The following SEPTIN10 variants were observed in gnomAD, a reference collection of about 807,000 sequenced individuals.
SEPTIN10 encodes septin 10, also known as septin-10.
Under a neutral mutation model 54.8 loss-of-function variants are expected in SEPTIN10, and 66 were observed. That is an observed-to-expected ratio of 1.21 (90% CI 0.99 to 1.48). The LOEUF (loss-of-function observed/expected upper bound fraction) is 1.48. SEPTIN10 is among the 40% of genes most tolerant of loss of function. SEPTIN10 has a pLI of 0.00. For missense variants in SEPTIN10, 620 were observed against 545.6 expected (o/e 1.14, Z -1.36); for synonymous variants, 161 against 181.0 (o/e 0.89, Z 0.89).
chr2:109,601,301 A>C (rs1696545631), intron 1 of SEPTIN10, among the ~76,000 whole-genome samples: 1 of 152,212 alleles, frequency 6.6e-6, no homozygotes, highest in African/African-American at 2.4e-5. Context: ...AAAAGACATC[A>C]CTTTGGAAGT....
intron 5 of SEPTIN10, among the ~76,000 whole-genome samples, chr2:109,572,717 A>G (rs898869234): frequency 1.3e-5 from 2 of 150,308 alleles, no homozygotes; most frequent in African/African-American, 4.9e-5. Context: ...CCTGGGTTCA[A>G]GCAATTCTCC....
At chr2:109,570,526 G>C (rs553030813) in intron 5 of SEPTIN10, among the ~76,000 whole-genome samples, 2 of 118,388 alleles carry the variant, frequency 1.7e-5, no homozygotes, top group East Asian at 2.3e-4. Context: ...CATTGTATCA[G>C]GTTTTTTTTT....
intron 8 of SEPTIN10, among the ~76,000 whole-genome samples, chr2:109,555,475 G>A (rs2104867495): frequency 6.6e-6 from 1 of 152,252 alleles, no homozygotes; most frequent in East Asian, 1.9e-4. Flanking sequence ...ACTCTCCCCT[G>A]TTGCAGGCCA....
intron 10 of SEPTIN10, 37 bp from the exon 11 acceptor site, chr2:109,544,361 A>T (rs757501339): frequency 1.8e-5 from 28 of 1,552,990 alleles, no homozygotes; most frequent in Middle Eastern, 3.6e-4. Flanking sequence ...GGTACAATTT[A>T]AAAAAAATTC....
At chr2:109,599,982 C>T (rs1005875620) in intron 1 of SEPTIN10, among the ~76,000 whole-genome samples, 2 of 152,192 alleles carry the variant, frequency 1.3e-5, no homozygotes, top group African/African-American at 4.8e-5. Flanking sequence ...ATTCTCCCTT[C>T]AAGCAATACC....
At chr2:109,570,702 T>C (rs1193794748) in intron 5 of SEPTIN10, among the ~76,000 whole-genome samples, 1 of 151,754 alleles carries the variant, frequency 6.6e-6, no homozygotes, top group East Asian at 1.9e-4. Context: ...TTTTGTATTT[T>C]TAGTAGAGAT....
At chr2:109,567,007 C>T (rs1253372041) in intron 6 of SEPTIN10, among the ~76,000 whole-genome samples, 1 of 151,844 alleles carries the variant, frequency 6.6e-6, no homozygotes, top group African/African-American at 2.4e-5. Flanking sequence ...ACCTCATTTA[C>T]ATTAGTCAGT....
chr2:109,542,915 T>C lies in SEPTIN10; in HGVS notation c.*1394A>G, dbSNP rs1218776997. ...CTCATAAAATACCTCATCTCCAAAA[T>C]AATTCAAATACATAATTAAATGAAC... is the stretch of plus-strand genomic sequence containing the variant. On this transcript the variant is annotated 3_prime_UTR_variant, in exon 11 of 11. Coordinates refer to ENST00000397712, the MANE Select transcript of SEPTIN10 (RefSeq NM_144710.5). 1.3e-5 allele frequency: 2 copies of C among 152,550 alleles called. No homozygotes were observed. The highest frequency in any genetic ancestry group is 4.8e-5 in the African/African-American group (2 of 41,450). The allele number at this position is 152,550 out of a possible 1,614,324, so 9.4% of individuals were successfully genotyped here.
chr2:109,599,586 C>T (rs1265931403), intron 1 of SEPTIN10, among the ~76,000 whole-genome samples: 1 of 152,084 alleles, frequency 6.6e-6, no homozygotes, highest in African/African-American at 2.4e-5. Context: ...TACAGCAAGG[C>T]TTAGGGTTGT....
intron 9 of SEPTIN10, among the ~76,000 whole-genome samples, chr2:109,551,990 G>C (rs1451624889): frequency 6.6e-6 from 1 of 152,186 alleles, no homozygotes; most frequent in African/African-American, 2.4e-5. Context: ...GTTAGGAACT[G>C]GGCTACACAG....
At chr2:109,589,462 G>A (rs186326248) in intron 2 of SEPTIN10, among the ~76,000 whole-genome samples, 27 of 152,150 alleles carry the variant, frequency 1.8e-4, no homozygotes, top group Admixed American at 7.2e-4. Flanking sequence ...AACCTGAGGC[G>A]GAAGTTGCAG....
intron 10 of SEPTIN10, 24 bp from the exon 11 acceptor site, chr2:109,544,348 A>T: frequency 6.3e-7 from 1 of 1,575,200 alleles, no homozygotes. Flanking sequence ...GAACCTTTTG[A>T]TTGGTACAAT....
At chr2:109,547,756 A>G (rs184749029) in intron 9 of SEPTIN10, among the ~76,000 whole-genome samples, 113 of 152,340 alleles carry the variant, frequency 7.4e-4, no homozygotes, top group African/African-American at 2.6e-3. Flanking sequence ...GGGATATACC[A>G]AAAGAAAACA....
At position 109,585,732 on chromosome 2, in the gene SEPTIN10, A is replaced by G; in HGVS notation, c.206T>C (p.Ile69Thr). ...RSIQQGFCFNILCVGETGIGK... is the reference protein window; with the variant it reads ...RSIQQGFCFNTLCVGETGIGK... ...TAGGTGGCACGTACCCACACAGAGA[A>G]TATTAAAGCAGAAACCTTGCTGAAT... The change falls in exon 3 of 11, where the codon ATT (isoleucine) becomes ACT (threonine). Residue 69 changes from isoleucine to threonine, a missense_variant. Ile to Thr is a moderately conservative substitution (Grantham distance 89). Coordinates refer to ENST00000397712, the MANE Select transcript of SEPTIN10 (RefSeq NM_144710.5). 6.2e-7 allele frequency: 1 copy of G among 1,611,852 alleles called. No homozygotes were observed. Among genetic ancestry groups the G allele is most frequent in the South Asian group, 1.1e-5 (1 of 91,014 alleles).
chr2:109,561,960 A>G (rs1685744060), intron 8 of SEPTIN10, among the ~76,000 whole-genome samples: 3 of 151,938 alleles, frequency 2.0e-5, no homozygotes, highest in Non-Finnish European at 4.4e-5. Flanking sequence ...GGGTTTCAAG[A>G]CCCCAGGAAT....
intron 4 of SEPTIN10, among the ~76,000 whole-genome samples, chr2:109,578,617 A>T (rs1416533872): frequency 6.6e-6 from 1 of 152,032 alleles, no homozygotes; most frequent in Non-Finnish European, 1.5e-5. Flanking sequence ...AAATACAAAA[A>T]TTAGCTCGGA....
At chr2:109,589,461 C>T (rs1017961794) in intron 2 of SEPTIN10, among the ~76,000 whole-genome samples, 7 of 151,940 alleles carry the variant, frequency 4.6e-5, no homozygotes, top group African/African-American at 7.3e-5. Flanking sequence ...GAACCTGAGG[C>T]GGAAGTTGCA....
intron 1 of SEPTIN10, chr2:109,613,274 A>G (rs1286115142): frequency 3.4e-5 from 30 of 894,924 alleles, no homozygotes; most frequent in Non-Finnish European, 6.0e-6. Flanking sequence ...TTTAGAGTAC[A>G]AAAGAGTCAA....
intron 8 of SEPTIN10, among the ~76,000 whole-genome samples, chr2:109,554,386 T>C (rs1018519915): frequency 1.3e-5 from 2 of 152,208 alleles, no homozygotes; most frequent in Non-Finnish European, 2.9e-5. Context: ...GTTACAATAA[T>C]ATGTATTCAT....
Sources: allele counts gnomAD v4.1 joint callset (sites outside exome capture counted in the v4.1 genomes callset), GRCh38; gene constraint gnomAD v4.1.1; transcripts MANE v1.5; gene names NCBI Gene and HGNC (gene_info 2026-07-23, HGNC 2026-07-21).